The following DUOXA1 variants were observed in gnomAD, a reference collection of about 807,000 sequenced individuals.
DUOXA1 encodes dual oxidase activator 1.
A neutral mutation model predicts 26.6 loss-of-function variants in DUOXA1; 19 were observed. The observed-to-expected ratio is 0.71, with a 90% CI of 0.50 to 1.05. DUOXA1 has a LOEUF of 1.05. Among genes scored for constraint, DUOXA1 ranks in the 50% least tolerant of loss-of-function variants. DUOXA1 has a pLI of 0.00. For synonymous variants in DUOXA1, 166 were observed against 177.0 expected (o/e 0.94, Z 0.49); for missense variants, 403 against 427.5 (o/e 0.94, Z 0.51).
At position 45,118,743 on chromosome 15, in the gene DUOXA1, C is replaced by T; in HGVS notation, c.*363G>A. 5.9e-6 allele frequency: 6 copies of T among 1,016,302 alleles called. No homozygotes were observed. The highest frequency in any genetic ancestry group is 7.1e-6 in the Non-Finnish European group (6 of 851,036). The allele number at this position is 1,016,302 out of a possible 1,614,324, so 63.0% of individuals were successfully genotyped here. A position where few individuals can be genotyped will look rare whatever the true frequency, so the allele number is the denominator to read the frequency against. On this transcript the variant is annotated 3_prime_UTR_variant, in exon 9 of 9. Coordinates refer to ENST00000560572, the MANE Select transcript of DUOXA1 (RefSeq NM_001276266.2). ...GGATGAGAGGAAACCATAGGAGAAT[C>T]ATATGTAACCCCCACCCTGCTGGTG...
chr15:45,118,124 T>G lies in DUOXA1; in HGVS notation c.*982A>C. 6.9e-7 allele frequency: 1 copy of G among 1,448,674 alleles called. No homozygotes were observed. Among genetic ancestry groups the G allele is most frequent in the Non-Finnish European group, 9.0e-7 (1 of 1,105,764 alleles). The allele number at this position is 1,448,674 out of a possible 1,614,324, so 89.7% of individuals were successfully genotyped here. Reference sequence around the variant, plus strand: ...TTTAAAAACTGTTTTTCCCATTAATTTTCATGGCTTCTCCGCGCCGGGGTC... The same window carrying G: ...TTTAAAAACTGTTTTTCCCATTAATGTTCATGGCTTCTCCGCGCCGGGGTC... On this transcript the variant is annotated 3_prime_UTR_variant, in exon 9 of 9. Coordinates refer to ENST00000560572, the MANE Select transcript of DUOXA1 (RefSeq NM_001276266.2).
Position 45,121,230 on chromosome 15 carries a change from G to T in DUOXA1, c.206-9C>A. The T allele has an allele frequency of 6.2e-7, 1 of 1,614,142 alleles. No individual in the cohort carries two copies. The highest frequency in any genetic ancestry group is 1.1e-5 in the South Asian group (1 of 91,064). On this transcript the variant is annotated splice_polypyrimidine_tract_variant and intron_variant, in intron 5 of 8. Coordinates refer to ENST00000560572, the MANE Select transcript of DUOXA1 (RefSeq NM_001276266.2). ...AGAACTGAAATTCACAGCTGTGGTTGGGGAGTTGGACATATGGGAACTCAG... is the reference window on the plus strand; with the variant it reads ...AGAACTGAAATTCACAGCTGTGGTTTGGGAGTTGGACATATGGGAACTCAG...
Position 45,117,645 on chromosome 15 carries a change from T to C in DUOXA1, c.*1461A>G, listed in dbSNP as rs1344330663. 4 of 1,613,556 alleles carry C rather than the reference T, an allele frequency of 2.5e-6. No homozygotes were observed. The Admixed American group carries it at 6.7e-5, about 27-fold the overall frequency. On this transcript the variant is annotated 3_prime_UTR_variant, in exon 9 of 9. Transcript: ENST00000560572. ...GCAGGAAGGTCGTTTGAGGCCAGAGTTCGAGACCAGCCTGGGCAACATAGC... is the reference window on the plus strand; with the variant it reads ...GCAGGAAGGTCGTTTGAGGCCAGAGCTCGAGACCAGCCTGGGCAACATAGC...
Position 45,119,250 on chromosome 15 carries a change from A to G in DUOXA1, c.888T>C (p.Ser296=), listed in dbSNP as rs1212713633. The change falls in exon 9 of 9, where the codon AGT becomes AGC. Residue 296 remains serine, a synonymous_variant. Coordinates refer to ENST00000560572, the MANE Select transcript of DUOXA1 (RefSeq NM_001276266.2). ...SVDEDPMLEW[S]PEEGGLLSPR... is the part of the protein sequence containing the mutation. ...GGCTCAGGAGTCCACCTTCCTCAGG[A>G]CTCCACTCCAGCATGGGGTCTTCAT... 1 of 1,613,690 alleles carries G rather than the reference A, an allele frequency of 6.2e-7. No individual in the cohort carries two copies. Among genetic ancestry groups the G allele is most frequent in the Admixed American group, 1.7e-5 (1 of 59,962 alleles).
Position 45,122,863 on chromosome 15 carries a change from C to G in DUOXA1, c.147+5G>C, listed in dbSNP as rs1304652070. On this transcript the variant is annotated splice_donor_5th_base_variant and intron_variant, in intron 4 of 8. Coordinates refer to ENST00000560572, the MANE Select transcript of DUOXA1 (RefSeq NM_001276266.2). ...GGCTGGGGTCTCCAGGACTGGGTTT[C>G]TCACCGTCTTTCCCCGAATGCCAGG... 6.2e-7 allele frequency: 1 copy of G among 1,605,848 alleles called. No homozygotes were observed. Among genetic ancestry groups the G allele is most frequent in the Non-Finnish European group, 8.5e-7 (1 of 1,176,482 alleles).
chr15:45,124,788 C>T (rs750554141), intron 3 of DUOXA1, among the ~76,000 whole-genome samples: 1 of 152,174 alleles, frequency 6.6e-6, no homozygotes, highest in Admixed American at 6.5e-5. Flanking sequence ...GCTGGGATTA[C>T]AGGCATAAAC....
intron 3 of DUOXA1, among the ~76,000 whole-genome samples, chr15:45,127,068 G>A (rs1895736181): frequency 6.6e-6 from 1 of 152,152 alleles, no homozygotes; most frequent in African/African-American, 2.4e-5. Context: ...GATGTTTACT[G>A]ACGTAAGAAT....
chr15:45,128,835 A>G (rs1180039670), intron 3 of DUOXA1, 183 bp downstream of exon 3: 1 of 152,092 alleles, frequency 6.6e-6, no homozygotes, highest in African/African-American at 2.4e-5. Flanking sequence ...CCAGTTTCTT[A>G]CCAAACTCTC....
chr15:45,122,751 A>G (rs1442411590), intron 4 of DUOXA1, 117 bp downstream of exon 4: 3 of 1,308,624 alleles, frequency 2.3e-6, no homozygotes, highest in Admixed American at 5.4e-5. Context: ...GGTCGTGGCT[A>G]TCTTTTCTCC....
intron 3 of DUOXA1, among the ~76,000 whole-genome samples, chr15:45,127,789 C>G (rs1318794269): frequency 6.6e-6 from 1 of 152,174 alleles, no homozygotes; most frequent in African/African-American, 2.4e-5. Flanking sequence ...TCAATATTAA[C>G]TTGACCCACT....
At chr15:45,120,457 C>T (rs1452476276) in intron 7 of DUOXA1, 135 bp downstream of exon 7, 2 of 1,448,280 alleles carry the variant, frequency 1.4e-6, no homozygotes, top group East Asian at 2.3e-5. Flanking sequence ...ATGGACTTCC[C>T]AAGCCAGCAC....
At chr15:45,121,773 T>C (rs573148529) in intron 5 of DUOXA1, among the ~76,000 whole-genome samples, 1 of 152,300 alleles carries the variant, frequency 6.6e-6, no homozygotes, top group East Asian at 1.9e-4. Flanking sequence ...CACCTCAGCC[T>C]CCCAAAGTGC....
chr15:45,121,300 A>G, intron 5 of DUOXA1, 79 bp from the exon 6 acceptor site: 1 of 1,601,226 alleles, frequency 6.2e-7, no homozygotes, highest in Non-Finnish European at 8.5e-7. Context: ...GAGAAATACA[A>G]GGGGTCCATG....
At position 45,118,930 on chromosome 15, in the gene DUOXA1, T is replaced by C. The variant is rs1022436785; in HGVS notation, c.*176A>G. 103 of 1,340,920 alleles carry C rather than the reference T, an allele frequency of 7.7e-5. No individual in the cohort carries two copies. The highest frequency in any genetic ancestry group is 9.4e-5 in the Non-Finnish European group (99 of 1,048,132). The allele number at this position is 1,340,920 out of a possible 1,614,324, so 83.1% of individuals were successfully genotyped here. A position where few individuals can be genotyped will look rare whatever the true frequency, so the allele number is the denominator to read the frequency against. Reference sequence around the variant, plus strand: ...ATCTCTTCAGTCCCTTAGGGCTTTTTGTTTTGTTTTGTTTTTTAACATCAG... The same window carrying C: ...ATCTCTTCAGTCCCTTAGGGCTTTTCGTTTTGTTTTGTTTTTTAACATCAG... On this transcript the variant is annotated 3_prime_UTR_variant, in exon 9 of 9. Transcript: ENST00000560572.
In DUOXA1 at chr15:45,121,127, C is replaced by A; in HGVS notation, c.300G>T (p.Gly100=). 1 of 1,614,178 alleles carries A rather than the reference C, an allele frequency of 6.2e-7. No homozygotes were observed. Among genetic ancestry groups the A allele is most frequent in the South Asian group, 1.1e-5 (1 of 91,076 alleles). ...FSSEWISADI[G]LQVGLGGVNI... is the part of the protein sequence containing the mutation. ...TGACTCCACCCAGCCCGACCTGCAG[C>A]CCAATATCAGCGCTGATCCACTCAG... The change falls in exon 6 of 9, where the codon GGG becomes GGT. Residue 100 remains glycine, a synonymous_variant. Transcript: ENST00000560572.
At chr15:45,119,643 G>T (rs534932620) in intron 8 of DUOXA1, among the ~76,000 whole-genome samples, 62 of 152,032 alleles carry the variant, frequency 4.1e-4, no homozygotes, top group African/African-American at 1.4e-3. Context: ...GGAGAGAAAA[G>T]AAAAAAACCC....
intron 7 of DUOXA1, 120 bp downstream of exon 7, chr15:45,120,472 G>C: frequency 7.0e-7 from 1 of 1,432,540 alleles, no homozygotes; most frequent in South Asian, 1.2e-5. Context: ...CAGCACCATG[G>C]GGACTGGTGC....
rs1247220664 is a variant in DUOXA1 at position 45,117,515 on chromosome 15, T to C, written c.*1591A>G. 1 of 1,554,672 alleles carries C rather than the reference T, an allele frequency of 6.4e-7. No individual in the cohort carries two copies. Among genetic ancestry groups the C allele is most frequent in the South Asian group, 1.2e-5 (1 of 84,834 alleles). On this transcript the variant is annotated 3_prime_UTR_variant, in exon 9 of 9. Transcript: ENST00000560572. ...GGTGTCTTGCCGTGTTTCATGTAAT[T>C]CAGATTAGAGGTGTGTGGCGGGAGG...
chr15:45,123,355 T>C (rs1192187682), intron 3 of DUOXA1, among the ~76,000 whole-genome samples: 2 of 152,156 alleles, frequency 1.3e-5, no homozygotes, highest in Non-Finnish European at 2.9e-5. Flanking sequence ...TGGGACTGTC[T>C]CAAGAAATAA....
Sources: allele counts gnomAD v4.1 joint callset (sites outside exome capture counted in the v4.1 genomes callset), GRCh38; gene constraint gnomAD v4.1.1; transcripts MANE v1.5; gene names NCBI Gene and HGNC (gene_info 2026-07-23, HGNC 2026-07-21).